Variants in GCNT2 observed in about 807,000 individuals in gnomAD.
GCNT2 encodes N-acetyllactosaminide beta-1,6-N-acetylglucosaminyl-transferase.
A neutral mutation model predicts 34.2 loss-of-function variants in GCNT2; 34 were observed. The ratio of observed to expected loss-of-function variants is 1.00; its 90% CI spans 0.76 to 1.32. The LOEUF is 1.32. GCNT2 is among the 40% of genes most tolerant of loss of function. GCNT2 has a pLI of 0.00. For missense variants in GCNT2, 584 were observed against 489.4 expected, an observed-to-expected ratio of 1.19 and a Z score of -1.82; for synonymous variants, 212 against 188.0, an observed-to-expected ratio of 1.13 and a Z score of -1.04.
At position 10,626,893 on chromosome 6, in the gene GCNT2, G is replaced by A. The variant is rs1290506540; in HGVS notation, c.*286G>A. 2.4e-6 allele frequency: 1 copy of A among 413,340 alleles called. No homozygotes were observed. The highest frequency in any genetic ancestry group is 4.5e-6 in the Non-Finnish European group (1 of 223,300). 25.6% of individuals were successfully genotyped at this position (413,340 alleles called of 1,614,324 possible). A position where few individuals can be genotyped will look rare whatever the true frequency, so the allele number is the denominator to read the frequency against. The stretch of plus-strand genomic sequence containing the variant: ...GTTAGGATCAATGATAAATTTAAAT[G>A]ACCTCAGATCTTTGCACCAGATACT... On this transcript the variant is annotated 3_prime_UTR_variant, in exon 5 of 5. Transcript: ENST00000495262.
intron 3 of GCNT2, among the ~76,000 whole-genome samples, chr6:10,566,138 TC>T (rs1360405480): frequency 6.7e-6 from 1 of 150,294 alleles, no homozygotes; most frequent in Non-Finnish European, 1.5e-5. Flanking sequence ...CCCGGGAGGC[TC>T]CCGGATGCTC....
intron 3 of GCNT2, among the ~76,000 whole-genome samples, chr6:10,531,964 C>T (rs747967880): frequency 2.7e-5 from 4 of 149,408 alleles, no homozygotes; most frequent in Non-Finnish European, 5.9e-5. Context: ...GGTGTCTTTA[C>T]CTAATTAAAA....
rs201167779 is a variant in GCNT2 at position 10,556,855 on chromosome 6, C to T, written c.925+27019C>T. Reference sequence around the variant, plus strand: ...ATGCGGTAGAGCAACTATTAAGCTGCTTCCCAAACGCTTTTCTGGCTTCCA... The same window carrying T: ...ATGCGGTAGAGCAACTATTAAGCTGTTTCCCAAACGCTTTTCTGGCTTCCA... On this transcript the variant is annotated intron_variant, in intron 3 of 4. Transcript: ENST00000495262. 132 of 1,614,190 alleles carry T rather than the reference C, an allele frequency of 8.2e-5. 2 individuals are homozygous for T. In the South Asian group the frequency reaches 1.3e-3, roughly 16 times the overall value.
intron 3 of GCNT2, among the ~76,000 whole-genome samples, chr6:10,582,510 C>A (rs1764164206): frequency 2.0e-5 from 2 of 99,194 alleles, no homozygotes; most frequent in African/African-American, 3.8e-5. Context: ...TATAATACAT[C>A]ATATATTATA....
At chr6:10,587,090 A>G (rs532196143) in intron 3 of GCNT2, among the ~76,000 whole-genome samples, 36 of 152,358 alleles carry the variant, frequency 2.4e-4, no homozygotes, top group Admixed American at 1.9e-3. Context: ...TATGTGTGAT[A>G]TAGTGATCTA....
At chr6:10,586,990 G>T in intron 3 of GCNT2, 1 of 1,031,154 alleles carries the variant, frequency 9.7e-7, no homozygotes, top group Non-Finnish European at 1.5e-6. Context: ...TGACTCATTT[G>T]AAATTATTAT....
intron 3 of GCNT2, among the ~76,000 whole-genome samples, chr6:10,547,703 G>T (rs1252432205): frequency 6.6e-6 from 1 of 152,082 alleles, no homozygotes; most frequent in Non-Finnish European, 1.5e-5. Flanking sequence ...ATTGGATCTT[G>T]CCTGACTCAG....
In GCNT2 at chr6:10,628,604, A is replaced by G. The variant is rs1374641357; in HGVS notation, c.*1997A>G. On this transcript the variant is annotated 3_prime_UTR_variant, in exon 5 of 5. Transcript: ENST00000495262. ...CTATAGATGGGACTGTGTCCCCCCA[A>G]AATTCATGTGTTGGAGCCTTAACCC... The G allele has an allele frequency of 6.6e-6, 1 of 152,240 alleles. No homozygotes were observed. Among genetic ancestry groups the G allele is most frequent in the African/African-American group, 2.4e-5 (1 of 41,458 alleles). 9.4% of individuals were successfully genotyped at this position (152,240 alleles called of 1,614,324 possible). A position where few individuals can be genotyped will look rare whatever the true frequency, so the allele number is the denominator to read the frequency against.
At chr6:10,573,347 T>TTTGTTG (rs1429131835) in intron 3 of GCNT2, 11 of 588,078 alleles carry the variant, frequency 1.9e-5, no homozygotes, top group Non-Finnish European at 2.2e-5. Context: ...ATTTGTGGGT[T>TTTGTTG]TTATTGTTGT....
At position 10,528,931 on chromosome 6, in the gene GCNT2, ACTGT is replaced by A; in HGVS notation, c.23_26del (p.Cys8PhefsTer10). On this transcript the variant is annotated frameshift_variant, in exon 3 of 5. Transcript: ENST00000495262. LOFTEE classifies it high-confidence loss of function. ...TTGTGAATGATGGGCTCTTGGAAGCACTGTCTTTTTAGCGCGTCTCTTATCTCTG... is the reference window on the plus strand; with the variant it reads ...TTGTGAATGATGGGCTCTTGGAAGCACTTTTTAGCGCGTCTCTTATCTCTG... The A allele has an allele frequency of 6.2e-7, 1 of 1,613,540 alleles. No homozygotes were observed. The highest frequency in any genetic ancestry group is 8.5e-7 in the Non-Finnish European group (1 of 1,179,486).
chr6:10,544,635 TA>T (rs1762185387), intron 3 of GCNT2, among the ~76,000 whole-genome samples: 1 of 132,868 alleles, frequency 7.5e-6, no homozygotes, highest in African/African-American at 2.9e-5. Flanking sequence ...AATAAAATAT[TA>T]AATAAATAAA....
chr6:10,593,112 A>G (rs1211770146), intron 3 of GCNT2, among the ~76,000 whole-genome samples: 1 of 152,228 alleles, frequency 6.6e-6, no homozygotes, highest in Non-Finnish European at 1.5e-5. Flanking sequence ...TAAAGTATAT[A>G]TTAGTATAAA....
At chr6:10,601,036 CCTG>C (rs1224700693) in intron 3 of GCNT2, among the ~76,000 whole-genome samples, 1 of 152,172 alleles carries the variant, frequency 6.6e-6, no homozygotes, top group African/African-American at 2.4e-5. Context: ...AAGCAATTCA[CCTG>C]CCTTGGCCTC....
chr6:10,522,848 C>G (rs767733471), intron 1 of GCNT2, among the ~76,000 whole-genome samples: 6 of 152,160 alleles, frequency 3.9e-5, no homozygotes, highest in African/African-American at 9.7e-5. Flanking sequence ...GGCTGCTGTT[C>G]TAGCTTCTCA....
intron 3 of GCNT2, among the ~76,000 whole-genome samples, chr6:10,593,531 T>A (rs771142092): frequency 6.6e-6 from 1 of 152,084 alleles, no homozygotes. Flanking sequence ...AGAGATGGGA[T>A]CTCGATATGT....
chr6:10,574,904 A>C (rs1763732283), intron 3 of GCNT2: 3 of 701,222 alleles, frequency 4.3e-6, no homozygotes, highest in East Asian at 2.7e-5. Flanking sequence ...TTTTTCTTCA[A>C]GCGTTTCAGG....
intron 3 of GCNT2, among the ~76,000 whole-genome samples, chr6:10,567,542 CT>C (rs1406407651): frequency 6.6e-6 from 1 of 152,200 alleles, no homozygotes; most frequent in Admixed American, 6.5e-5. Flanking sequence ...GGAATATTAA[CT>C]TTTAGGCCTT....
chr6:10,538,059 A>T (rs146576402), intron 3 of GCNT2, among the ~76,000 whole-genome samples: 5 of 152,154 alleles, frequency 3.3e-5, no homozygotes, highest in African/African-American at 1.2e-4. Context: ...TCAAAAGTCA[A>T]AATATGGTTT....
intron 3 of GCNT2, among the ~76,000 whole-genome samples, chr6:10,589,113 G>T (rs200698930): frequency 7.9e-6 from 1 of 127,078 alleles, no homozygotes; most frequent in Non-Finnish European, 1.7e-5. Context: ...GTGTGTGTGT[G>T]GTGTGTGTGT....
Sources: gnomAD v4.1 joint callset for allele counts (sites outside exome capture counted in the v4.1 genomes callset) on GRCh38, gnomAD v4.1.1 for gene constraint, MANE v1.5 for transcripts, NCBI Gene and HGNC (gene_info 2026-07-23, HGNC 2026-07-21) for gene names.